The following ECPAS variants were observed in gnomAD, a reference collection of about 807,000 sequenced individuals.
ECPAS encodes the protein Ecm29 proteasome adaptor and scaffold, also known as proteasome adapter and scaffold protein ECM29.
ECPAS carries 70 observed loss-of-function variants against 255.1 expected under a neutral mutation model. That is an observed-to-expected ratio of 0.27 (90% CI 0.23 to 0.33). ECPAS has a LOEUF of 0.33. Ranked by LOEUF, ECPAS falls within the 10% of genes least tolerant of loss-of-function variation. The pLI is 1.00. For missense variants in ECPAS, 1,817 were observed against 2,206.4 expected (o/e 0.82, Z 3.54); for synonymous variants, 784 against 775.0 (o/e 1.01, Z -0.19).
Position 111,412,166 on chromosome 9 carries a change from AAAAC to A in ECPAS, c.2080-22_2080-19del, listed in dbSNP as rs2098195631. 1 of 1,549,766 alleles carries A rather than the reference AAAAC, an allele frequency of 6.5e-7. No homozygotes were observed. The highest frequency in any genetic ancestry group is 8.6e-7 in the Non-Finnish European group (1 of 1,159,840). On this transcript the variant is annotated intron_variant, in intron 20 of 49. Coordinates refer to ENST00000684092, the MANE Select transcript of ECPAS (RefSeq NM_001364929.1). ...ATCAGACTCTGAGCAGTATAAAAAA[AAAAC>A]AAATATATACATGACACAGAACCAC...
At chr9:111,428,773 AATTTGGAGTTGAAACC>A (rs2098225428) in intron 9 of ECPAS, among the ~76,000 whole-genome samples, 1 of 152,120 alleles carries the variant, frequency 6.6e-6, no homozygotes, top group Non-Finnish European at 1.5e-5. Flanking sequence ...GGTTAGTTGC[AATTTGGAGTTGAAACC>A]ATATCAATGA....
intron 34 of ECPAS, among the ~76,000 whole-genome samples, 164 bp downstream of exon 34, chr9:111,384,358 G>C (rs2098144555): frequency 6.6e-6 from 1 of 152,188 alleles, no homozygotes; most frequent in African/African-American, 2.4e-5. Context: ...GTACTGCAGT[G>C]TTTACAGCAC....
At chr9:111,423,308 A>C in intron 12 of ECPAS, 60 bp from the exon 13 acceptor site, 2 of 1,202,438 alleles carry the variant, frequency 1.7e-6, no homozygotes, top group Non-Finnish European at 2.4e-6. Flanking sequence ...AAAACAAAAA[A>C]TACAGTAAAC....
rs146595394 is a variant in ECPAS, at chr9:111,463,362, A to T, written c.22+9535T>A. Among the ~76,000 whole-genome samples the T allele has an allele frequency of 3.1e-3, 468 of 152,380 alleles. 3 individuals are homozygous for T. The highest frequency in any genetic ancestry group is 0.011 in the African/African-American group (457 of 41,586). On this transcript the variant is annotated intron_variant, in intron 2 of 49. Coordinates refer to ENST00000684092, the MANE Select transcript of ECPAS (RefSeq NM_001364929.1). ...AAAGAGAGAACTAGAAATATCTGGTAAACAGCACTAATGCTCACAAATAAA... is the reference window on the plus strand; with the variant it reads ...AAAGAGAGAACTAGAAATATCTGGTTAACAGCACTAATGCTCACAAATAAA...
intron 48 of ECPAS, among the ~76,000 whole-genome samples, chr9:111,365,106 A>C (rs1450018881): frequency 1.3e-5 from 2 of 151,904 alleles, no homozygotes; most frequent in African/African-American, 4.8e-5. Context: ...CCCCGTCTCT[A>C]CTAAAAATAC....
chr9:111,363,529 T>G, intron 49 of ECPAS, 59 bp downstream of exon 49: 1 of 1,041,078 alleles, frequency 9.6e-7, no homozygotes, highest in Non-Finnish European at 1.5e-6. Flanking sequence ...AACAAAAAAT[T>G]TCTAAAACAT....
chr9:111,477,350 T>C (rs1029716930), intron 1 of ECPAS, among the ~76,000 whole-genome samples: 1 of 151,458 alleles, frequency 6.6e-6, no homozygotes, highest in Non-Finnish European at 1.5e-5. Context: ...GCTCTCAACT[T>C]ATCCCCCAGC....
chr9:111,421,740 T>G lies in ECPAS; in HGVS notation c.1455+181A>C, dbSNP rs151010218. ...CTCTAAACATAAGCATCGCTATGAA[T>G]ACTACCACTCCTTCTCCCCTAAAGT... On this transcript the variant is annotated intron_variant, in intron 15 of 49. Coordinates refer to ENST00000684092, the MANE Select transcript of ECPAS (RefSeq NM_001364929.1). Among the ~76,000 whole-genome samples, 183 of 152,276 alleles carry G rather than the reference T, an allele frequency of 1.2e-3. 1 individual carries two copies. Among genetic ancestry groups the G allele is most frequent in the African/African-American group, 4.2e-3 (176 of 41,568 alleles).
At chr9:111,473,548 A>C (rs1346925942) in intron 1 of ECPAS, among the ~76,000 whole-genome samples, 1 of 152,134 alleles carries the variant, frequency 6.6e-6, no homozygotes, top group Non-Finnish European at 1.5e-5. Context: ...GCTGACTGTG[A>C]ACAATATGCC....
intron 5 of ECPAS, among the ~76,000 whole-genome samples, chr9:111,441,099 C>T (rs1395775124): frequency 6.6e-6 from 1 of 151,282 alleles, no homozygotes; most frequent in Non-Finnish European, 1.5e-5. Context: ...TTGCAGTGAG[C>T]CGAGATCAAG....
chr9:111,455,415 C>CGGA (rs2098265644), intron 2 of ECPAS, among the ~76,000 whole-genome samples: 1 of 152,118 alleles, frequency 6.6e-6, no homozygotes, highest in East Asian at 1.9e-4. Flanking sequence ...ACCCAGGGAG[C>CGGA]GGAGCTCGCA....
chr9:111,393,029 T>C, intron 27 of ECPAS, 147 bp from the exon 28 acceptor site: 1 of 603,806 alleles, frequency 1.7e-6, no homozygotes, highest in Non-Finnish European at 3.0e-6. Context: ...GCCTATTTTG[T>C]TAAAAATAAT....
chr9:111,404,713 A>G (rs976067260), intron 24 of ECPAS, among the ~76,000 whole-genome samples: 1 of 148,716 alleles, frequency 6.7e-6, no homozygotes, highest in Non-Finnish European at 1.5e-5. Flanking sequence ...TGTTTTCTTT[A>G]TAAGTTACCC....
At chr9:111,457,438 G>A (rs1278503198) in intron 2 of ECPAS, among the ~76,000 whole-genome samples, 1 of 152,184 alleles carries the variant, frequency 6.6e-6, no homozygotes, top group Non-Finnish European at 1.5e-5. Flanking sequence ...TTAGGATTCA[G>A]CACAAGGTCT....
chr9:111,418,547 A>T (rs568124563), intron 16 of ECPAS, among the ~76,000 whole-genome samples: 11 of 152,170 alleles, frequency 7.2e-5, no homozygotes, highest in Non-Finnish European at 1.5e-4. Flanking sequence ...TAATTCTTCA[A>T]TTGCCTCTGA....
intron 2 of ECPAS, among the ~76,000 whole-genome samples, chr9:111,453,722 A>G (rs1054428036): frequency 1.3e-5 from 2 of 152,218 alleles, no homozygotes; most frequent in African/African-American, 4.8e-5. Context: ...TCTGGTATTC[A>G]TAACAAAAAC....
intron 7 of ECPAS, among the ~76,000 whole-genome samples, chr9:111,435,973 C>A (rs552047568): frequency 6.6e-6 from 1 of 150,752 alleles, no homozygotes; most frequent in African/African-American, 2.4e-5. Context: ...CAGGCATTAG[C>A]CACTGCGCCC....
At position 111,484,044 on chromosome 9, in the gene ECPAS, G is replaced by T. The variant is rs1001108061; in HGVS notation, c.-83+72C>A. 8.1e-5 allele frequency: 87 copies of T among 1,079,476 alleles called. No homozygotes were observed. In the African/African-American group the frequency reaches 1.4e-3, roughly 18 times the overall value. The allele number at this position is 1,079,476 out of a possible 1,614,324, so 66.9% of individuals were successfully genotyped here. ...GGACTCGACACGCGGCGGCCTGTGC[G>T]GGCGGCCCGGCCTAACCGCGCCGCC... On this transcript the variant is annotated intron_variant, in intron 1 of 49. Coordinates refer to ENST00000684092, the MANE Select transcript of ECPAS (RefSeq NM_001364929.1).
chr9:111,422,021 G>T lies in ECPAS; in HGVS notation c.1355C>A (p.Ala452Asp). ...LCKEEPETRLAIQEALSMMVG... is the reference protein window; with the variant it reads ...LCKEEPETRLDIQEALSMMVG... Reference sequence around the variant, plus strand: ...CATCATAGATAAAGCTTCTTGAATAGCAAGTCGAGTCTCAGGCTCTTCCTA... The same window carrying T: ...CATCATAGATAAAGCTTCTTGAATATCAAGTCGAGTCTCAGGCTCTTCCTA... The change falls in exon 15 of 50, where the codon GCT (alanine) becomes GAT (aspartate). Residue 452 changes from alanine to aspartate, a missense_variant. Ala to Asp is a moderately radical substitution (Grantham distance 126). This residue lies in a region of ECPAS where 573 missense variants were observed against 716.2 expected (regional missense o/e 0.80). Coordinates refer to ENST00000684092, the MANE Select transcript of ECPAS (RefSeq NM_001364929.1). The T allele has an allele frequency of 6.2e-7, 1 of 1,613,704 alleles. No individual in the cohort carries two copies. The highest frequency in any genetic ancestry group is 8.5e-7 in the Non-Finnish European group (1 of 1,179,778).
Sources: gnomAD v4.1 joint callset for allele counts (sites outside exome capture counted in the v4.1 genomes callset) on GRCh38, gnomAD v4.1.1 for gene constraint, gnomAD v4.1.1 regional missense constraint, MANE v1.5 for transcripts, NCBI Gene and HGNC (gene_info 2026-07-23, HGNC 2026-07-21) for gene names.